USH1C: variants seen among roughly 807,000 people sequenced by gnomAD.
USH1C encodes the protein harmonin.
USH1C carries 90 observed loss-of-function variants against 119.3 expected under a neutral mutation model. The observed-to-expected ratio is 0.75, with a 90% CI of 0.64 to 0.90. The LOEUF (loss-of-function observed/expected upper bound fraction) is 0.90. Among genes scored for constraint, USH1C ranks in the 40% least tolerant of loss-of-function variants. The pLI is 0.00. For synonymous variants in USH1C, 465 were observed against 443.3 expected, an observed-to-expected ratio of 1.05 and a Z score of -0.62; for missense variants, 1,165 against 1,167.7, an observed-to-expected ratio of 1.00 and a Z score of 0.03.
chr11:17,529,941 G>A (rs1247206581), intron 4 of USH1C, among the ~76,000 whole-genome samples: 3 of 152,208 alleles, frequency 2.0e-5, no homozygotes, highest in African/African-American at 4.8e-5. Flanking sequence ...CTCAGCTGAC[G>A]CCAAGAGAGG....
chr11:17,503,028 A>G (rs939909899), intron 20 of USH1C, among the ~76,000 whole-genome samples: 1 of 152,150 alleles, frequency 6.6e-6, no homozygotes, highest in Non-Finnish European at 1.5e-5. Context: ...TGCACCAACT[A>G]GGTTCCGGGC....
intron 7 of USH1C, 74 bp from the exon 8 acceptor site, chr11:17,526,515 G>A: frequency 7.4e-7 from 1 of 1,357,478 alleles, no homozygotes. Flanking sequence ...TGTGGGATCT[G>A]CAGGGCGAGC....
chr11:17,533,191 C>A (rs1017481482), intron 2 of USH1C, 64 bp downstream of exon 2: 3 of 1,313,238 alleles, frequency 2.3e-6, no homozygotes, highest in South Asian at 2.4e-5. Context: ...AACAACCCAT[C>A]CCAGGGCTCC....
At chr11:17,530,423 C>G (rs770007837) in intron 4 of USH1C, among the ~76,000 whole-genome samples, 1 of 152,220 alleles carries the variant, frequency 6.6e-6, no homozygotes, top group Admixed American at 6.5e-5. Context: ...CACTTACTGG[C>G]CTCTGAGCCT....
chr11:17,505,447 G>A (rs998047845), intron 19 of USH1C, among the ~76,000 whole-genome samples: 2 of 152,222 alleles, frequency 1.3e-5, no homozygotes, highest in Admixed American at 6.5e-5. Context: ...TGCCCCTCTG[G>A]TAACCTCTCT....
intron 17 of USH1C, 37 bp from the exon 18 acceptor site, chr11:17,509,875 C>G: frequency 6.4e-7 from 1 of 1,570,700 alleles, no homozygotes; most frequent in Non-Finnish European, 8.6e-7. Flanking sequence ...AATTGTCACT[C>G]TGCTTAGAGC....
intron 1 of USH1C, chr11:17,533,807 T>C: frequency 2.2e-6 from 1 of 455,680 alleles, no homozygotes; most frequent in Middle Eastern, 3.3e-4. Context: ...CAGAAGCCCC[T>C]TACCACCGAA....
intron 10 of USH1C, 40 bp downstream of exon 10, chr11:17,523,379 A>T: frequency 6.2e-7 from 1 of 1,613,880 alleles, no homozygotes; most frequent in Non-Finnish European, 8.5e-7. Flanking sequence ...TGGGGTGTGG[A>T]GATGACAAGG....
chr11:17,526,192 C>A lies in USH1C; in HGVS notation c.674+155G>T, dbSNP rs145908619. On this transcript the variant is annotated intron_variant, in intron 8 of 26. Transcript: ENST00000005226. ...CTCCAGCCTGGGCAACAGAGTCAGA[C>A]CCTGTATCTAACAAAAAAAGTATCA... Among the ~76,000 whole-genome samples, 817 of 152,284 alleles carry A rather than the reference C, an allele frequency of 5.4e-3. 11 individuals are homozygous for A. Among genetic ancestry groups the A allele is most frequent in the African/African-American group, 0.019 (770 of 41,538 alleles).
intron 15 of USH1C, 26 bp from the exon 16 acceptor site, chr11:17,512,080 T>G: frequency 6.2e-7 from 1 of 1,613,566 alleles, no homozygotes; most frequent in Non-Finnish European, 8.5e-7. Flanking sequence ...ATTGTTTATA[T>G]GACAAAGGTT....
At chr11:17,495,745 G>GC in intron 25 of USH1C, 68 bp from the exon 26 acceptor site, 1 of 1,537,718 alleles carries the variant, frequency 6.5e-7, no homozygotes, top group Non-Finnish European at 9.0e-7. Flanking sequence ...GCTCCATGGG[G>GC]CTTCTCCTTT....
intron 19 of USH1C, 81 bp downstream of exon 19, chr11:17,505,749 C>T: frequency 6.2e-7 from 1 of 1,601,438 alleles, no homozygotes; most frequent in Non-Finnish European, 8.5e-7. Context: ...CTCACTTGCC[C>T]TCCAGAGACA....
intron 15 of USH1C, among the ~76,000 whole-genome samples, chr11:17,512,727 T>C (rs1293270215): frequency 6.6e-6 from 1 of 152,186 alleles, no homozygotes. Context: ...CTGGAGAGTC[T>C]AGACCCACAG....
intron 20 of USH1C, among the ~76,000 whole-genome samples, chr11:17,504,009 C>T (rs1178280639): frequency 3.3e-5 from 5 of 152,198 alleles, no homozygotes; most frequent in Non-Finnish European, 4.4e-5. Context: ...CAAGATCTCT[C>T]TCTGTCCTGG....
intron 23 of USH1C, 135 bp downstream of exon 23, chr11:17,500,916 T>C (rs1292075692): frequency 2.6e-6 from 2 of 760,518 alleles, no homozygotes; most frequent in Non-Finnish European, 4.5e-6. Context: ...GGCAGTCGGA[T>C]GGATGGACCC....
At chr11:17,516,162 G>A in intron 15 of USH1C, 79 bp downstream of exon 15, 1 of 1,495,258 alleles carries the variant, frequency 6.7e-7, no homozygotes, top group Non-Finnish European at 9.3e-7. Flanking sequence ...AGTGTTGATA[G>A]GACAAGGAAT....
At chr11:17,510,566 T>C (rs1177433990) in intron 16 of USH1C, 45 bp from the exon 17 acceptor site, 3 of 1,386,736 alleles carry the variant, frequency 2.2e-6, no homozygotes, top group Non-Finnish European at 3.1e-6. Context: ...AAAGGGCACA[T>C]TTGAATAACA....
chr11:17,517,077 T>C (rs1327525687), intron 14 of USH1C, among the ~76,000 whole-genome samples: 2 of 152,076 alleles, frequency 1.3e-5, no homozygotes, highest in Non-Finnish European at 2.9e-5. Context: ...ACCTCCTCAG[T>C]TGCTGGATTT....
In USH1C at chr11:17,500,877, C is replaced by T. The variant is rs536017001; in HGVS notation, c.2380+174G>A. ...TTGGCTGTGTACTCACAGGTCCCGG[C>T]GCCATCCCATGCCCCCAGGGATTGG... On this transcript the variant is annotated intron_variant, in intron 23 of 26. Transcript: ENST00000005226. Among the ~76,000 whole-genome samples the T allele has an allele frequency of 5.3e-5, 8 of 152,320 alleles. No homozygotes were observed. The East Asian group carries it at 5.8e-4, about 11-fold the overall frequency.
Sources: gnomAD v4.1 joint callset for allele counts (sites outside exome capture counted in the v4.1 genomes callset) on GRCh38, gnomAD v4.1.1 for gene constraint, MANE v1.5 for transcripts, NCBI Gene and HGNC (gene_info 2026-07-23, HGNC 2026-07-21) for gene names.